The following CLCC1 variants were observed in gnomAD, a reference collection of about 807,000 sequenced individuals.
CLCC1 encodes chloride channel CLIC like 1.
In CLCC1, 39 loss-of-function variants were observed where a neutral mutation model predicts 63.3. The observed-to-expected ratio is 0.62, with a 90% confidence interval of 0.48 to 0.81. CLCC1 has a LOEUF of 0.81. Among genes scored for constraint, CLCC1 ranks in the 30% least tolerant of loss-of-function variants. The pLI is 0.00. For missense variants in CLCC1, 549 were observed against 669.4 expected, an observed-to-expected ratio of 0.82 and a Z score of 1.98; for synonymous variants, 217 against 239.8, an observed-to-expected ratio of 0.90 and a Z score of 0.88.
chr1:108,933,676 G>C (rs75587891), intron 12 of CLCC1: 110 of 152,294 alleles, frequency 7.2e-4, no homozygotes, highest in African/African-American at 2.5e-3. Context: ...CTAAGGACAG[G>C]TACAAAATTT....
intron 2 of CLCC1, among the ~76,000 whole-genome samples, chr1:108,952,444 T>C (rs1259328703): frequency 5.9e-5 from 9 of 152,154 alleles, no homozygotes; most frequent in African/African-American, 2.2e-4. Context: ...GTACTGGGAT[T>C]ATAGGCATGA....
At position 108,929,915 on chromosome 1, in the gene CLCC1, C is replaced by T. The variant is rs754243621; in HGVS notation, c.*2632G>A. 1 of 1,613,460 alleles carries T rather than the reference C, an allele frequency of 6.2e-7. No individual in the cohort carries two copies. Among genetic ancestry groups the T allele is most frequent in the Non-Finnish European group, 8.5e-7 (1 of 1,179,526 alleles). On this transcript the variant is annotated 3_prime_UTR_variant, in exon 13 of 13. Transcript: ENST00000369969. ...AATGCTTTGTTGGAGTTTAAAAATT[C>T]AGGGAAAAAATCGGCAGACCATTAG... is the stretch of plus-strand genomic sequence containing the variant.
intron 2 of CLCC1, among the ~76,000 whole-genome samples, chr1:108,954,926 G>C (rs1396393489): frequency 1.3e-5 from 2 of 150,598 alleles, no homozygotes; most frequent in African/African-American, 5.0e-5. Context: ...TCTGCCTCCT[G>C]GGTTCAAAAA....
chr1:108,937,930 A>G (rs2101628981), intron 10 of CLCC1, among the ~76,000 whole-genome samples: 1 of 152,088 alleles, frequency 6.6e-6, no homozygotes, highest in South Asian at 2.1e-4. Flanking sequence ...TGGCCCAGGG[A>G]CCCCCGGGGG....
Position 108,934,913 on chromosome 1 carries a change from G to A in CLCC1, c.1413C>T (p.Pro471=), listed in dbSNP as rs1652653517. ...SHKSPVLDTK[P]KETGGILGEG... ...CCCCCAGGATTCCACCTGTCTCCTT[G>A]GGCTTTGTATCCAAAACAGGTGATT... Residue 471 remains proline, a synonymous_variant, in exon 12 of 13, where the codon CCC becomes CCT. Coordinates refer to ENST00000369969, the MANE Select transcript of CLCC1 (RefSeq NM_001377458.1). 3.7e-6 allele frequency: 6 copies of A among 1,613,076 alleles called. No individual in the cohort carries two copies. The highest frequency in any genetic ancestry group is 5.1e-6 in the Non-Finnish European group (6 of 1,179,426).
intron 4 of CLCC1, 73 bp downstream of exon 4, chr1:108,949,747 A>T: frequency 1.3e-6 from 1 of 779,910 alleles, no homozygotes; most frequent in Non-Finnish European, 2.0e-6. Context: ...ATACAAATTT[A>T]TCAGCAGAGA....
At chr1:108,944,330 G>A (rs940327325) in intron 5 of CLCC1, among the ~76,000 whole-genome samples, 4 of 152,094 alleles carry the variant, frequency 2.6e-5, no homozygotes, top group African/African-American at 9.7e-5. Context: ...CATTAGCTGT[G>A]TGCAGTGGTG....
intron 2 of CLCC1, among the ~76,000 whole-genome samples, chr1:108,951,766 CTTT>C (rs34333498): frequency 8.3e-5 from 11 of 132,264 alleles, no homozygotes; most frequent in Admixed American, 1.6e-4. Flanking sequence ...GAATTGTATA[CTTT>C]TTTTTTTTTT....
At chr1:108,949,701 C>T (rs12750594) in intron 4 of CLCC1, 119 bp downstream of exon 4, 42,664 of 534,338 alleles carry the variant, frequency 0.08, 2,099 homozygotes, top group Middle Eastern at 0.11. Flanking sequence ...AAAAATTTGA[C>T]ATATAAAAAT....
chr1:108,944,722 T>C (rs1204126135), intron 5 of CLCC1, among the ~76,000 whole-genome samples: 2 of 151,962 alleles, frequency 1.3e-5, no homozygotes, highest in East Asian at 1.9e-4. Context: ...CTCCACCTCC[T>C]GGGTTCACGC....
intron 2 of CLCC1, among the ~76,000 whole-genome samples, chr1:108,951,050 C>T (rs1655115809): frequency 6.6e-6 from 1 of 152,100 alleles, no homozygotes; most frequent in Non-Finnish European, 1.5e-5. Flanking sequence ...CACACAAAAA[C>T]TTGTACATGA....
At chr1:108,940,527 G>T (rs994427398) in intron 8 of CLCC1, among the ~76,000 whole-genome samples, 1 of 152,178 alleles carries the variant, frequency 6.6e-6, no homozygotes, top group Non-Finnish European at 1.5e-5. Context: ...TTAAAGCTGT[G>T]CAAGATGTCA....
intron 7 of CLCC1, among the ~76,000 whole-genome samples, chr1:108,943,076 AT>A (rs1330277527): frequency 1.3e-5 from 2 of 151,978 alleles, no homozygotes; most frequent in African/African-American, 4.8e-5. Flanking sequence ...GGCCCAGCTA[AT>A]TTTTGTATTT....
Position 108,929,833 on chromosome 1 carries a change from T to G in CLCC1, c.*2714A>C. On this transcript the variant is annotated 3_prime_UTR_variant, in exon 13 of 13. Coordinates refer to ENST00000369969, the MANE Select transcript of CLCC1 (RefSeq NM_001377458.1). The stretch of plus-strand genomic sequence containing the variant: ...GAGAATGGATGAACAGAGAGTTCTT[T>G]TACAAAGAGATCAAAACAGAGACAC... 6.2e-7 allele frequency: 1 copy of G among 1,614,116 alleles called. No homozygotes were observed. The highest frequency in any genetic ancestry group is 8.5e-7 in the Non-Finnish European group (1 of 1,179,974).
Position 108,940,126 on chromosome 1 carries a change from T to C in CLCC1, c.813A>G (p.Ser271=). 2 of 1,609,512 alleles carry C rather than the reference T, an allele frequency of 1.2e-6. No individual in the cohort carries two copies. Among genetic ancestry groups the C allele is most frequent in the Non-Finnish European group, 1.7e-6 (2 of 1,176,136 alleles). The part of the protein sequence containing the change: ...TGSIWEWFRS[S]WTYKDDPCQK... ...GGCATGGGTCATCCTTATAGGTCCA[T>C]GAACTTCTAAACCATTCTGTTTAGA... The change falls in exon 9 of 13, where the codon TCA becomes TCG. Residue 271 remains serine, a synonymous_variant. Coordinates refer to ENST00000369969, the MANE Select transcript of CLCC1 (RefSeq NM_001377458.1).
intron 1 of CLCC1, among the ~76,000 whole-genome samples, chr1:108,963,044 A>T (rs1008398603): frequency 2.6e-5 from 4 of 152,232 alleles, no homozygotes; most frequent in African/African-American, 7.2e-5. Flanking sequence ...AGATAACCAA[A>T]GCCAACAGAA....
At chr1:108,962,900 T>C (rs1419262182) in intron 1 of CLCC1, among the ~76,000 whole-genome samples, 1 of 149,984 alleles carries the variant, frequency 6.7e-6, no homozygotes, top group Admixed American at 6.6e-5. Flanking sequence ...ATTTTGGAGG[T>C]TGTTTTGTGT....
chr1:108,932,227 T>C lies in CLCC1; in HGVS notation c.*320A>G, dbSNP rs1430504621. On this transcript the variant is annotated 3_prime_UTR_variant, in exon 13 of 13. Transcript: ENST00000369969. The stretch of plus-strand genomic sequence containing the variant: ...AGGTGGAGGTTGCAGTGAGCCGAGA[T>C]TGTACCACCTCACTCCAGCCTGGGT... 1.3e-5 allele frequency: 2 copies of C among 152,170 alleles called. No individual in the cohort carries two copies. The highest frequency in any genetic ancestry group is 4.8e-5 in the African/African-American group (2 of 41,432). The allele number at this position is 152,170 out of a possible 1,614,324, so 9.4% of individuals were successfully genotyped here.
chr1:108,953,507 A>G (rs1291241137), intron 2 of CLCC1, among the ~76,000 whole-genome samples: 1 of 152,220 alleles, frequency 6.6e-6, no homozygotes, highest in Non-Finnish European at 1.5e-5. Flanking sequence ...AACCACTGTT[A>G]ATGTGAACTT....
Sources: allele counts gnomAD v4.1 joint callset (sites outside exome capture counted in the v4.1 genomes callset), GRCh38; gene constraint gnomAD v4.1.1; transcripts MANE v1.5; gene names NCBI Gene and HGNC (gene_info 2026-07-23, HGNC 2026-07-21).